The following TMPRSS6 variants were observed in gnomAD, a reference collection of about 807,000 sequenced individuals.
TMPRSS6 encodes transmembrane serine protease 6.
A neutral mutation model predicts 101.5 loss-of-function variants in TMPRSS6; 67 were observed. The ratio of observed to expected loss-of-function variants is 0.66; its 90% confidence interval spans 0.54 to 0.81. TMPRSS6 has a LOEUF of 0.81. Among genes scored for constraint, TMPRSS6 ranks in the 30% least tolerant of loss-of-function variants. The pLI is 0.00. For missense variants in TMPRSS6, 1,034 were observed against 1,088.7 expected, an observed-to-expected ratio of 0.95 and a Z score of 0.71; for synonymous variants, 453 against 464.9, an observed-to-expected ratio of 0.97 and a Z score of 0.33.
At position 37,065,909 on chromosome 22, in the gene TMPRSS6, T is replaced by C. The variant is rs2146015410; in HGVS notation, c.*171A>G. 1.2e-6 allele frequency: 1 copy of C among 846,202 alleles called. No individual in the cohort carries two copies. The highest frequency in any genetic ancestry group is 2.7e-5 in the East Asian group (1 of 37,528). 52.4% of individuals were successfully genotyped at this position (846,202 alleles called of 1,614,324 possible). On this transcript the variant is annotated 3_prime_UTR_variant, in exon 18 of 18. Coordinates refer to ENST00000676104, the MANE Select transcript of TMPRSS6 (RefSeq NM_001374504.1). The stretch of plus-strand genomic sequence containing the variant: ...CCCAGCTGCTGGCACTTCTCCATCC[T>C]CCTGCCATCACTGGAGCAGACATCA...
intron 1 of TMPRSS6, among the ~76,000 whole-genome samples, chr22:37,104,387 C>G (rs1298744185): frequency 6.6e-6 from 1 of 152,170 alleles, no homozygotes; most frequent in Non-Finnish European, 1.5e-5. Context: ...ATGTCTGACT[C>G]CCTGCTTTTT....
At chr22:37,083,022 T>A (rs549644461) in intron 10 of TMPRSS6, 1 of 471,086 alleles carries the variant, frequency 2.1e-6, no homozygotes, top group East Asian at 6.9e-5. Flanking sequence ...AATCCAAGAA[T>A]TCTAGAGCCC....
rs775028616 is a variant in TMPRSS6 at position 37,069,027 on chromosome 22, C to G, written c.2113+46G>C. On this transcript the variant is annotated intron_variant, in intron 16 of 17. Transcript: ENST00000676104. This position sits in a 1 kb window ranked among gnomAD's most constrained non-coding sequence, Gnocchi z 4.8. ...CCAGGCCAGGTGTTACGGCGCAGAT[C>G]CGCACGGTCTCCCTCCGCCTCCCGC... The G allele has an allele frequency of 5.2e-6, 8 of 1,532,618 alleles. No homozygotes were observed. Among genetic ancestry groups the G allele is most frequent in the Non-Finnish European group, 7.0e-6 (8 of 1,146,010 alleles). 94.9% of individuals were successfully genotyped at this position (1,532,618 alleles called of 1,614,324 possible). A position where few individuals can be genotyped will look rare whatever the true frequency, so the allele number is the denominator to read the frequency against.
chr22:37,071,410 C>T (rs1257944626), intron 13 of TMPRSS6, among the ~76,000 whole-genome samples: 1 of 152,250 alleles, frequency 6.6e-6, no homozygotes, highest in Non-Finnish European at 1.5e-5. Context: ...CATTTTCCTC[C>T]CTGCTCTTCA....
chr22:37,100,791 GAGATCACGAA>G (rs553600766), intron 2 of TMPRSS6, among the ~76,000 whole-genome samples: 15 of 152,318 alleles, frequency 9.8e-5, no homozygotes, highest in African/African-American at 3.6e-4. Context: ...GGTAGCAGAT[GAGATCACGAA>G]AGAAGCGGGT....
At chr22:37,067,614 G>A (rs774963908) in intron 16 of TMPRSS6, among the ~76,000 whole-genome samples, 5 of 152,206 alleles carry the variant, frequency 3.3e-5, no homozygotes, top group East Asian at 3.9e-4. Context: ...AGATGTCTCC[G>A]AAGCCCACAT....
intron 10 of TMPRSS6, among the ~76,000 whole-genome samples, chr22:37,075,706 C>T (rs1927572435): frequency 6.6e-6 from 1 of 152,142 alleles, no homozygotes; most frequent in African/African-American, 2.4e-5. Flanking sequence ...AGTTCGAGAC[C>T]AGACTGACCA....
rs2543518 is a variant in TMPRSS6, at chr22:37,085,178, G to A, written c.974-339C>T. 1.1e-4 allele frequency among the ~76,000 whole-genome samples: 17 copies of A among 152,316 alleles called. No homozygotes were observed. In the East Asian group the frequency reaches 1.3e-3, roughly 12 times the overall value. On this transcript the variant is annotated intron_variant, in intron 8 of 17. Coordinates refer to ENST00000676104, the MANE Select transcript of TMPRSS6 (RefSeq NM_001374504.1). ...CTGCACAGGCCTCACGGTGGTGGCT[G>A]GGGGAGAGAGAGCTGTTCCCCTTTT...
chr22:37,088,615 A>T (rs1928973896), intron 7 of TMPRSS6, among the ~76,000 whole-genome samples: 1 of 146,280 alleles, frequency 6.8e-6, no homozygotes, highest in South Asian at 2.2e-4. Flanking sequence ...ACCCCCAACC[A>T]CCTGCCCTCT....
At chr22:37,071,174 T>A (rs1002680100) in intron 13 of TMPRSS6, 142 bp from the exon 14 acceptor site, 1 of 757,518 alleles carries the variant, frequency 1.3e-6, no homozygotes, top group Non-Finnish European at 2.2e-6. Flanking sequence ...TCCTTTAGGG[T>A]CTCCTAAAAG....
At chr22:37,094,181 T>C (rs1929527688) in intron 6 of TMPRSS6, among the ~76,000 whole-genome samples, 1 of 152,116 alleles carries the variant, frequency 6.6e-6, no homozygotes, top group South Asian at 2.1e-4. Flanking sequence ...GACTTACTAT[T>C]GGTTGTAGAT....
intron 2 of TMPRSS6, among the ~76,000 whole-genome samples, chr22:37,100,417 G>C (rs1930211244): frequency 6.6e-6 from 1 of 152,146 alleles, no homozygotes; most frequent in South Asian, 2.1e-4. Flanking sequence ...GATGTCCAGG[G>C]GGACAGAGCC....
Position 37,074,649 on chromosome 22 carries a change from C to T in TMPRSS6, c.1402G>A (p.Val468Ile). The stretch of plus-strand genomic sequence containing the variant: ...TCCAGGCCGTTGGGGCAGTCCTTGA[C>T]CCCATCACAGGCAGGGACACAGAGT... ...NGLCVPACDG[V>I]KDCPNGLDER... Residue 468 changes from valine to isoleucine, a missense_variant, in exon 12 of 18, where the codon GTC becomes ATC. By Grantham distance (29) the Val-to-Ile change is conservative (BLOSUM62 3). Coordinates refer to ENST00000676104, the MANE Select transcript of TMPRSS6 (RefSeq NM_001374504.1). The T allele has an allele frequency of 6.2e-7, 1 of 1,614,196 alleles. No individual in the cohort carries two copies. The highest frequency in any genetic ancestry group is 8.5e-7 in the Non-Finnish European group (1 of 1,180,032).
rs151333016 is a variant in TMPRSS6 at position 37,107,404 on chromosome 22, C to T, written c.-2+2099G>A. 4.9e-3 allele frequency among the ~76,000 whole-genome samples: 752 copies of T among 152,180 alleles called. 8 individuals are homozygous for T. Among genetic ancestry groups the T allele is most frequent in the African/African-American group, 0.017 (712 of 41,502 alleles). On this transcript the variant is annotated intron_variant, in intron 1 of 17. Transcript: ENST00000676104. Reference sequence around the variant, plus strand: ...TTGTCTTTACTATCTTATAATACAACGGCTCCCCCATTCCCAGGGTCCAGC... The same window carrying T: ...TTGTCTTTACTATCTTATAATACAATGGCTCCCCCATTCCCAGGGTCCAGC...
At chr22:37,085,036 GA>G in intron 8 of TMPRSS6, among the ~76,000 whole-genome samples, 197 bp from the exon 9 acceptor site, 1 of 152,198 alleles carries the variant, frequency 6.6e-6, no homozygotes, top group Non-Finnish European at 1.5e-5. Flanking sequence ...TAGGGTAGTA[GA>G]GTGGATTAAA....
Position 37,089,713 on chromosome 22 carries a change from G to C in TMPRSS6, c.701C>G (p.Ser234Cys). The C allele has an allele frequency of 1.2e-6, 2 of 1,612,026 alleles. No homozygotes were observed. The highest frequency in any genetic ancestry group is 1.7e-6 in the Non-Finnish European group (2 of 1,179,360). Residue 234 changes from serine to cysteine, a missense_variant, in exon 7 of 18, where the codon TCC becomes TGC. Transcript: ENST00000676104. ...LRLKGPDHLASSCLWHLQGPK... is the reference protein window; with the variant it reads ...LRLKGPDHLACSCLWHLQGPK... ...GCCCTGCAGGTGCCACAGGCAGCTG[G>C]AGGCCAGGTGGTCAGGCCCCTTCAG... is the stretch of plus-strand genomic sequence containing the variant.
intron 10 of TMPRSS6, among the ~76,000 whole-genome samples, chr22:37,079,381 C>A (rs1464569047): frequency 6.6e-6 from 1 of 151,834 alleles, no homozygotes; most frequent in East Asian, 1.9e-4. Context: ...TAGACAGGGA[C>A]CCTGTCAGGA....
rs193129059 is a variant in TMPRSS6 at position 37,075,249 on chromosome 22, C to T, written c.1228G>A (p.Ala410Thr). The change falls in exon 11 of 18, where the codon GCC (alanine) becomes ACC (threonine). Residue 410 changes from alanine to threonine, a missense_variant. Transcript: ENST00000676104. ...GTGGCCACCACGGGGATCCTCTCGG[C>T]GTAGGGCTGCAGGATGCGCAAGCCA... ...LCGLRILQPY[A>T]ERIPVVATAG... is the part of the protein sequence containing the mutation. 1.7e-4 allele frequency: 279 copies of T among 1,613,660 alleles called. No individual in the cohort carries two copies. Among genetic ancestry groups the T allele is most frequent in the African/African-American group, 1.3e-3 (97 of 75,058 alleles).
In TMPRSS6 at chr22:37,070,597, C is replaced by T. The variant is rs201682354; in HGVS notation, c.1728G>A (p.Glu576=). ...SRIVGGAVSS[E]GEWPWQASLQ... is the part of the protein sequence containing the mutation. ...GGCTGGCCTGCCATGGCCACTCACC[C>T]TCGGAGGACACAGCTCCACCAACAA... is the stretch of plus-strand genomic sequence containing the variant. The change falls in exon 15 of 18, where the codon GAG becomes GAA. Residue 576 remains glutamate, a synonymous_variant. Transcript: ENST00000676104. The T allele has an allele frequency of 1.2e-6, 2 of 1,613,270 alleles. No individual in the cohort carries two copies. Among genetic ancestry groups the T allele is most frequent in the Admixed American group, 3.3e-5 (2 of 60,030 alleles).
Sources: gnomAD v4.1 joint callset for allele counts (sites outside exome capture counted in the v4.1 genomes callset) on GRCh38, gnomAD v4.1.1 for gene constraint, Gnocchi (gnomAD v3.1) non-coding constraint, MANE v1.5 for transcripts, NCBI Gene and HGNC (gene_info 2026-07-23, HGNC 2026-07-21) for gene names.